Variants in PCDH15 observed in about 807,000 individuals in gnomAD.
PCDH15 encodes protocadherin related 15.
Under a neutral mutation model 178.5 loss-of-function variants are expected in PCDH15, and 129 were observed. The ratio of observed to expected loss-of-function variants is 0.72; its 90% CI spans 0.63 to 0.84. The LOEUF is 0.84. Among genes scored for constraint, PCDH15 ranks in the 40% least tolerant of loss-of-function variants. The probability of loss-of-function intolerance (pLI) is 0.00; values close to 1 mark genes in which losing one functional copy is unlikely to be tolerated. For missense variants in PCDH15, 2,230 were observed against 2,099.9 expected (o/e 1.06, Z -1.21); for synonymous variants, 800 against 732.0 (o/e 1.09, Z -1.50).
At chr10:55,250,374 T>A (rs1225757266) in intron 1 of PCDH15, among the ~76,000 whole-genome samples, 1 of 151,762 alleles carries the variant, frequency 6.6e-6, no homozygotes, top group African/African-American at 2.4e-5. Flanking sequence ...CCCAAACTCC[T>A]GGGCTACAGC....
At chr10:54,424,861 C>A (rs113864923) in intron 3 of PCDH15, among the ~76,000 whole-genome samples, 1 of 53,092 alleles carries the variant, frequency 1.9e-5, no homozygotes, top group African/African-American at 7.8e-5. Flanking sequence ...GCCCGTCAAG[C>A]GGTGGGGGGA....
At chr10:53,831,148 G>A (rs774771447) in intron 30 of PCDH15, 167 bp downstream of exon 30, 2 of 792,712 alleles carry the variant, frequency 2.5e-6, no homozygotes, top group South Asian at 1.3e-5. Context: ...AGTTTGTACT[G>A]TTTTCCTTTT....
intron 16 of PCDH15, among the ~76,000 whole-genome samples, chr10:54,084,562 C>A (rs573112058): frequency 7.8e-4 from 119 of 152,142 alleles, no homozygotes; most frequent in African/African-American, 2.6e-3. Flanking sequence ...TAAGCCTAGA[C>A]TTTTGAGACT....
intron 1 of PCDH15, among the ~76,000 whole-genome samples, chr10:55,200,344 A>G (rs1192102719): frequency 1.3e-5 from 2 of 152,116 alleles, no homozygotes; most frequent in Non-Finnish European, 2.9e-5. Flanking sequence ...TTGGACTTGC[A>G]AGGGGCCTGT....
intron 3 of PCDH15, among the ~76,000 whole-genome samples, chr10:54,397,255 T>C (rs536316969): frequency 4.6e-4 from 70 of 152,186 alleles, no homozygotes; most frequent in African/African-American, 1.6e-3. Flanking sequence ...CTTAAAAAAC[T>C]TGGAGACATC....
chr10:54,374,555 T>TG (rs1948131311), intron 4 of PCDH15, among the ~76,000 whole-genome samples: 1 of 152,096 alleles, frequency 6.6e-6, no homozygotes, highest in Admixed American at 6.6e-5. Flanking sequence ...AAAATTTTTA[T>TG]GTGATGTGCC....
chr10:55,173,243 C>A (rs1342465813), intron 1 of PCDH15, among the ~76,000 whole-genome samples: 1 of 147,764 alleles, frequency 6.8e-6, no homozygotes, highest in Admixed American at 6.8e-5. Context: ...ACTTAGAGAA[C>A]TATTTTAAGT....
chr10:55,046,380 G>A (rs1180810578), intron 2 of PCDH15, among the ~76,000 whole-genome samples: 1 of 151,956 alleles, frequency 6.6e-6, no homozygotes, highest in East Asian at 1.9e-4. Flanking sequence ...TTTAAATATA[G>A]ATTAAAAAGG....
intron 27 of PCDH15, among the ~76,000 whole-genome samples, chr10:53,865,581 CA>C (rs2079391691): frequency 6.6e-6 from 1 of 152,082 alleles, no homozygotes; most frequent in Non-Finnish European, 1.5e-5. Context: ...TTAATTTGAT[CA>C]AAAATTTATG....
At chr10:55,233,652 C>T (rs1348261257) in intron 1 of PCDH15, among the ~76,000 whole-genome samples, 1 of 151,898 alleles carries the variant, frequency 6.6e-6, no homozygotes, top group African/African-American at 2.4e-5. Flanking sequence ...AATCTCCTCC[C>T]TAGATATGCA....
At position 55,120,683 on chromosome 10, in the gene PCDH15, C is replaced by T. The variant is rs527647014; in HGVS notation, c.-80+45893G>A. Among the ~76,000 whole-genome samples the T allele has an allele frequency of 5.5e-4, 84 of 152,242 alleles. No homozygotes were observed. In the Middle Eastern group the frequency reaches 0.014, roughly 25 times the overall value. ...ATATATAAATAAATAAAATAATAATCTCATGTCCCTTGATGCATTATCTCA... is the reference window on the plus strand; with the variant it reads ...ATATATAAATAAATAAAATAATAATTTCATGTCCCTTGATGCATTATCTCA... On this transcript the variant is annotated intron_variant, in intron 2 of 5. Coordinates refer to the PCDH15 transcript ENST00000458638.
At chr10:54,331,857 A>T (rs1591835659) in intron 6 of PCDH15, among the ~76,000 whole-genome samples, 1 of 151,964 alleles carries the variant, frequency 6.6e-6, no homozygotes, top group Non-Finnish European at 1.5e-5. Context: ...AGTCTAGCTT[A>T]AAAACAGTAA....
chr10:54,268,820 T>C (rs2057865195), intron 8 of PCDH15, among the ~76,000 whole-genome samples: 1 of 151,894 alleles, frequency 6.6e-6, no homozygotes, highest in African/African-American at 2.4e-5. Context: ...GTTGAGGAAA[T>C]CTTCATTGAT....
intron 2 of PCDH15, among the ~76,000 whole-genome samples, chr10:54,616,252 G>A (rs1033201901): frequency 6.6e-6 from 1 of 151,982 alleles, no homozygotes; most frequent in Non-Finnish European, 1.5e-5. Flanking sequence ...GAAGAGCTCT[G>A]CAAAAACTAT....
chr10:55,238,091 T>G (rs1195978625), intron 1 of PCDH15, among the ~76,000 whole-genome samples: 1 of 151,934 alleles, frequency 6.6e-6, no homozygotes, highest in Non-Finnish European at 1.5e-5. Context: ...GAAATAAGAT[T>G]TAACTTAAAA....
At chr10:54,152,230 T>C (rs1189056729) in intron 14 of PCDH15, among the ~76,000 whole-genome samples, 2 of 152,140 alleles carry the variant, frequency 1.3e-5, no homozygotes, top group African/African-American at 4.8e-5. Flanking sequence ...ATAACTGTAA[T>C]CTGGGCTTAA....
intron 3 of PCDH15, among the ~76,000 whole-genome samples, chr10:54,848,428 G>T (rs1011343551): frequency 6.7e-6 from 1 of 150,052 alleles, no homozygotes; most frequent in Admixed American, 6.7e-5. Context: ...CAGTTATTAC[G>T]GGCATAGAAC....
At chr10:54,147,026 T>TAACGTGTATATAC (rs2044047391) in intron 14 of PCDH15, among the ~76,000 whole-genome samples, 2 of 146,660 alleles carry the variant, frequency 1.4e-5, no homozygotes, top group African/African-American at 5.0e-5. Flanking sequence ...TGTGTATATA[T>TAACGTGTATATAC]ACAAATATAT....
At chr10:54,935,520 C>T (rs1343222660) in intron 2 of PCDH15, among the ~76,000 whole-genome samples, 1 of 151,966 alleles carries the variant, frequency 6.6e-6, no homozygotes, top group Non-Finnish European at 1.5e-5. Flanking sequence ...GAGTTGAATC[C>T]TAAAAGTCAC....
Sources: allele counts gnomAD v4.1 joint callset (sites outside exome capture counted in the v4.1 genomes callset), GRCh38; gene constraint gnomAD v4.1.1; transcripts MANE v1.5; gene names NCBI Gene and HGNC (gene_info 2026-07-23, HGNC 2026-07-21).